Variants in AGBL4 observed in about 807,000 individuals in gnomAD.
AGBL4 encodes the protein cytosolic carboxypeptidase 6.
A neutral mutation model predicts 66.4 loss-of-function variants in AGBL4; 58 were observed. The ratio of observed to expected loss-of-function variants is 0.87; its 90% confidence interval spans 0.71 to 1.09. AGBL4 has a LOEUF of 1.09. AGBL4 is among the 50% of genes least tolerant of loss of function. The probability of loss-of-function intolerance (pLI) is 0.00; values close to 1 mark genes in which losing one functional copy is unlikely to be tolerated. For synonymous variants in AGBL4, 234 were observed against 222.9 expected (o/e 1.05, Z -0.44); for missense variants, 579 against 631.0 (o/e 0.92, Z 0.88).
chr1:49,514,638 A>G (rs1369680309), intron 3 of AGBL4, among the ~76,000 whole-genome samples: 3 of 152,110 alleles, frequency 2.0e-5, no homozygotes, highest in Non-Finnish European at 4.4e-5. Flanking sequence ...TTCAAACTAT[A>G]CTACAAGGCT....
chr1:48,627,749 C>A (rs1645529012), intron 9 of AGBL4, among the ~76,000 whole-genome samples: 1 of 152,156 alleles, frequency 6.6e-6, no homozygotes, highest in Admixed American at 6.5e-5. Flanking sequence ...GAGGGCCTTT[C>A]TCCTCTAGTA....
intron 5 of AGBL4, 44 bp from the exon 6 acceptor site, chr1:48,867,274 G>A: frequency 6.2e-7 from 1 of 1,606,490 alleles, no homozygotes; most frequent in Non-Finnish European, 8.5e-7. Flanking sequence ...TTGAGCCAGA[G>A]CCAAAATTGT....
chr1:48,586,976 C>A, intron 11 of AGBL4, 28 bp downstream of exon 11: 1 of 1,608,548 alleles, frequency 6.2e-7, no homozygotes, highest in Admixed American at 1.7e-5. Flanking sequence ...TGAGGGCTGG[C>A]CCAAGGCTGG....
At chr1:49,211,677 G>A (rs1648680276) in intron 4 of AGBL4, among the ~76,000 whole-genome samples, 1 of 152,052 alleles carries the variant, frequency 6.6e-6, no homozygotes, top group African/African-American at 2.4e-5. Context: ...GAAGCTCTCA[G>A]TGTAGTAGGG....
At chr1:49,400,698 T>A (rs1645066634) in intron 3 of AGBL4, among the ~76,000 whole-genome samples, 1 of 152,190 alleles carries the variant, frequency 6.6e-6, no homozygotes, top group Non-Finnish European at 1.5e-5. Flanking sequence ...TGTTACTGAT[T>A]TTTGTATGTT....
chr1:49,428,521 G>A (rs1645715321), intron 3 of AGBL4, among the ~76,000 whole-genome samples: 1 of 152,204 alleles, frequency 6.6e-6, no homozygotes, highest in Non-Finnish European at 1.5e-5. Flanking sequence ...CAGAGGTCTA[G>A]CCAGCTGACT....
Position 49,504,971 on chromosome 1 carries a change from G to C in AGBL4, c.282+192342C>G, listed in dbSNP as rs573385271. On this transcript the variant is annotated intron_variant, in intron 3 of 13. Transcript: ENST00000371839. ...CTGTGATTAAATGATTTTCTGTAGT[G>C]GTATGCTTTGATTCTTTGCTTTTTT... Among the ~76,000 whole-genome samples, 3 of 151,832 alleles carry C rather than the reference G, an allele frequency of 2.0e-5. No individual in the cohort carries two copies. The East Asian group carries it at 5.8e-4, about 29-fold the overall frequency.
At chr1:48,855,721 C>G (rs1004673092) in intron 6 of AGBL4, among the ~76,000 whole-genome samples, 1 of 151,684 alleles carries the variant, frequency 6.6e-6, no homozygotes, top group Non-Finnish European at 1.5e-5. Context: ...GGCAAAACAT[C>G]TAGAAATAAC....
chr1:49,576,159 C>A (rs1215382692), intron 3 of AGBL4, among the ~76,000 whole-genome samples: 3 of 152,192 alleles, frequency 2.0e-5, no homozygotes, highest in African/African-American at 7.2e-5. Context: ...AAGAAAGAGG[C>A]ACAACACCTG....
intron 2 of AGBL4, among the ~76,000 whole-genome samples, chr1:49,819,617 A>G (rs1036200861): frequency 6.6e-6 from 1 of 152,194 alleles, no homozygotes; most frequent in African/African-American, 2.4e-5. Flanking sequence ...TTATAAGATA[A>G]TTTATTGAGA....
chr1:49,481,350 T>A (rs1192799426), intron 3 of AGBL4, among the ~76,000 whole-genome samples: 1 of 152,102 alleles, frequency 6.6e-6, no homozygotes, highest in Non-Finnish European at 1.5e-5. Flanking sequence ...ACTTCTCTTG[T>A]TAGCTGTATT....
chr1:49,460,508 T>C (rs1178758296), intron 3 of AGBL4, among the ~76,000 whole-genome samples: 2 of 151,658 alleles, frequency 1.3e-5, no homozygotes, highest in Non-Finnish European at 3.0e-5. Context: ...CTCGTGAAGA[T>C]AGTGGAAACT....
chr1:49,739,135 G>C (rs1250738050), intron 2 of AGBL4, among the ~76,000 whole-genome samples: 1 of 152,134 alleles, frequency 6.6e-6, no homozygotes, highest in African/African-American at 2.4e-5. Flanking sequence ...CAAACCCATG[G>C]CAAAGAAGTT....
At chr1:49,944,100 G>T (rs1266617155) in intron 1 of AGBL4, among the ~76,000 whole-genome samples, 5 of 151,904 alleles carry the variant, frequency 3.3e-5, no homozygotes, top group African/African-American at 1.2e-4. Context: ...CCCACCTGAT[G>T]GTCCTTTCCT....
At chr1:49,248,265 T>A (rs896535545) in intron 3 of AGBL4, among the ~76,000 whole-genome samples, 5 of 152,214 alleles carry the variant, frequency 3.3e-5, no homozygotes, top group African/African-American at 1.2e-4. Context: ...AAACACTTCA[T>A]TCACATTAGA....
chr1:48,985,850 T>C (rs897207206), intron 5 of AGBL4, among the ~76,000 whole-genome samples: 25 of 151,786 alleles, frequency 1.6e-4, no homozygotes, highest in Admixed American at 1.4e-3. Flanking sequence ...ATGAGGAAAA[T>C]AGTCATATCA....
intron 3 of AGBL4, among the ~76,000 whole-genome samples, chr1:49,633,897 T>C (rs1471590085): frequency 1.7e-5 from 1 of 59,684 alleles, no homozygotes; most frequent in Non-Finnish European, 7.9e-5. Context: ...TATTGTAATA[T>C]ATAATATATG....
chr1:49,700,145 G>GTT (rs1647060049), intron 2 of AGBL4, among the ~76,000 whole-genome samples: 1 of 151,432 alleles, frequency 6.6e-6, no homozygotes, highest in Admixed American at 6.6e-5. Context: ...ATGACAAAAA[G>GTT]TTTTAACAGA....
At chr1:49,795,366 C>G (rs1644703815) in intron 2 of AGBL4, among the ~76,000 whole-genome samples, 2 of 151,906 alleles carry the variant, frequency 1.3e-5, no homozygotes, top group African/African-American at 4.8e-5. Context: ...TAACTCCCAT[C>G]AGGAACTAAG....
Sources: allele counts gnomAD v4.1 joint callset (sites outside exome capture counted in the v4.1 genomes callset), GRCh38; gene constraint gnomAD v4.1.1; transcripts MANE v1.5; gene names NCBI Gene and HGNC (gene_info 2026-07-23, HGNC 2026-07-21).